Variants in TSPEAR observed in about 807,000 individuals in gnomAD.
TSPEAR encodes the protein thrombospondin type laminin G domain and EAR repeats.
In TSPEAR, 69 loss-of-function variants were observed where a neutral mutation model predicts 71.6. That is an observed-to-expected ratio of 0.96 (90% confidence interval 0.79 to 1.18). TSPEAR has a LOEUF of 1.18. Ranked by LOEUF, TSPEAR falls within the 50% of genes most tolerant of loss-of-function variation. The pLI, the probability that TSPEAR is intolerant of heterozygous loss-of-function variation, is 0.00. For synonymous variants in TSPEAR, 402 were observed against 387.2 expected (o/e 1.04, Z -0.45); for missense variants, 971 against 894.9 (o/e 1.09, Z -1.09).
intron 1 of TSPEAR, chr21:44,592,266 C>A (rs781923288): frequency 1.3e-6 from 2 of 1,587,250 alleles, no homozygotes; most frequent in South Asian, 1.1e-5. Flanking sequence ...AGGGGCTGGG[C>A]TCACAGGTCA....
chr21:44,592,461 G>A, intron 1 of TSPEAR: 3 of 1,611,424 alleles, frequency 1.9e-6, no homozygotes, highest in Non-Finnish European at 2.5e-6. Flanking sequence ...CGCTGGAGCA[G>A]ACGGACATGG....
intron 2 of TSPEAR, among the ~76,000 whole-genome samples, chr21:44,538,465 T>A (rs1205978733): frequency 1.2e-4 from 18 of 150,218 alleles, no homozygotes; most frequent in Admixed American, 1.3e-4. Context: ...GCGCCAGGGT[T>A]TTGGGGAATC....
chr21:44,676,499 C>T (rs1601555014), intron 1 of TSPEAR: 2 of 819,750 alleles, frequency 2.4e-6, no homozygotes, highest in East Asian at 2.4e-5. Flanking sequence ...TGTTCGATTC[C>T]TCTGAGTCTG....
At chr21:44,553,818 C>A (rs9984930) in intron 2 of TSPEAR, among the ~76,000 whole-genome samples, 7,342 of 152,250 alleles carry the variant, frequency 0.048, 590 homozygotes, top group African/African-American at 0.17. Context: ...AATGAACTGC[C>A]TCAGGCTGAC....
chr21:44,601,674 C>A (rs782292504), intron 1 of TSPEAR: 2 of 1,612,950 alleles, frequency 1.2e-6, no homozygotes, highest in East Asian at 2.2e-5. Context: ...TCCTTTGCCG[C>A]CCCGCATGCT....
intron 9 of TSPEAR, among the ~76,000 whole-genome samples, chr21:44,513,068 A>C (rs1465352667): frequency 6.6e-6 from 1 of 152,240 alleles, no homozygotes; most frequent in Admixed American, 6.5e-5. Context: ...GTAATACTTG[A>C]AACATACTTT....
chr21:44,596,837 G>A (rs1900403345), intron 1 of TSPEAR, among the ~76,000 whole-genome samples: 1 of 152,104 alleles, frequency 6.6e-6, no homozygotes, highest in African/African-American at 2.4e-5. Context: ...TTATGTTTCT[G>A]TTATTGATCT....
Position 44,688,792 on chromosome 21 carries a change from C to G in TSPEAR, c.82+22641G>C, listed in dbSNP as rs546597384. Among the ~76,000 whole-genome samples, 16 of 152,246 alleles carry G rather than the reference C, an allele frequency of 1.1e-4. No homozygotes were observed. In the South Asian group the frequency reaches 3.3e-3, roughly 32 times the overall value. ...AGGTGGGACCCACCTGCCTGGGAGC[C>G]CCACACAGCTCTGCTTCCCAGCAAG... On this transcript the variant is annotated intron_variant, in intron 1 of 11. Transcript: ENST00000323084.
At chr21:44,702,627 C>T (rs1987710812) in intron 1 of TSPEAR, 3 of 1,601,424 alleles carry the variant, frequency 1.9e-6, no homozygotes, top group Non-Finnish European at 2.6e-6. Flanking sequence ...CCCTCCTCTG[C>T]CACCCTGTGT....
chr21:44,665,648 C>A (rs782801319), intron 1 of TSPEAR, among the ~76,000 whole-genome samples: 6 of 152,200 alleles, frequency 3.9e-5, no homozygotes, highest in Admixed American at 6.5e-5. Context: ...CCAAGAAGTT[C>A]TTGGTAAATT....
chr21:44,658,503 A>G (rs1555943060), intron 1 of TSPEAR, among the ~76,000 whole-genome samples: 2 of 152,110 alleles, frequency 1.3e-5, no homozygotes, highest in Admixed American at 6.5e-5. Flanking sequence ...ACTAAAACCC[A>G]TGTGAGCCAA....
At chr21:44,641,520 C>T (rs1382838102) in intron 1 of TSPEAR, among the ~76,000 whole-genome samples, 1 of 152,134 alleles carries the variant, frequency 6.6e-6, no homozygotes, top group Non-Finnish European at 1.5e-5. Flanking sequence ...GCCCAGGAGA[C>T]CCAGGGTCTG....
intron 8 of TSPEAR, 101 bp from the exon 9 acceptor site, chr21:44,522,213 C>T (rs1401780493): frequency 3.4e-5 from 41 of 1,192,418 alleles, no homozygotes; most frequent in African/African-American, 6.0e-5. Flanking sequence ...CCCCGAGGAC[C>T]GAAGACCCAC....
chr21:44,663,438 T>A (rs149616156), intron 1 of TSPEAR, among the ~76,000 whole-genome samples: 1 of 152,206 alleles, frequency 6.6e-6, no homozygotes, highest in East Asian at 1.9e-4. Context: ...GTATCATATC[T>A]ATTAAAGAAG....
At chr21:44,528,362 T>C (rs2052898808) in intron 6 of TSPEAR, 90 bp downstream of exon 6, 2 of 1,556,996 alleles carry the variant, frequency 1.3e-6, no homozygotes, top group South Asian at 2.3e-5. Context: ...CAGAGGTGGC[T>C]GAGGTGCCCC....
chr21:44,567,762 G>A (rs782575729), intron 2 of TSPEAR, 23 bp downstream of exon 2: 15 of 1,530,308 alleles, frequency 9.8e-6, no homozygotes, highest in Admixed American at 5.9e-5. Context: ...ATTATAACAC[G>A]AAGTGCAGAA....
At chr21:44,622,435 T>C (rs1003297569) in intron 1 of TSPEAR, among the ~76,000 whole-genome samples, 33 of 152,358 alleles carry the variant, frequency 2.2e-4, no homozygotes, top group Admixed American at 1.7e-3. Flanking sequence ...AAGTGACTTA[T>C]AAGAGTGGAA....
chr21:44,534,027 G>A, intron 2 of TSPEAR, 104 bp from the exon 3 acceptor site: 2 of 841,298 alleles, frequency 2.4e-6, no homozygotes, highest in Admixed American at 2.1e-5. Flanking sequence ...GTGGTGAGAG[G>A]AGCAGGGGCT....
chr21:44,550,243 G>A lies in TSPEAR; in HGVS notation c.304-16320C>T, dbSNP rs1330951990. 3.1e-5 allele frequency: 6 copies of A among 195,706 alleles called. No homozygotes were observed. The South Asian group carries it at 4.4e-4, about 14-fold the overall frequency. 12.1% of individuals were successfully genotyped at this position (195,706 alleles called of 1,614,324 possible). On this transcript the variant is annotated intron_variant, in intron 2 of 11. Transcript: ENST00000323084. ...TCCAGGTGTCACACAAGAGCCCCCCGGGGCCCCCAGCTGGGGAAGTAAAGA... is the reference window on the plus strand; with the variant it reads ...TCCAGGTGTCACACAAGAGCCCCCCAGGGCCCCCAGCTGGGGAAGTAAAGA...
Sources: gnomAD v4.1 joint callset for allele counts (sites outside exome capture counted in the v4.1 genomes callset) on GRCh38, gnomAD v4.1.1 for gene constraint, MANE v1.5 for transcripts, NCBI Gene and HGNC (gene_info 2026-07-23, HGNC 2026-07-21) for gene names.